Variants in RAD54L2 observed in about 807,000 individuals in gnomAD.
RAD54L2 encodes the protein RAD54 like 2, also known as helicase ARIP4.
Under a neutral mutation model 138.4 loss-of-function variants are expected in RAD54L2, and 27 were observed. The ratio of observed to expected loss-of-function variants is 0.20; its 90% CI spans 0.14 to 0.27. The LOEUF (loss-of-function observed/expected upper bound fraction) is 0.27, where lower values mean the gene tolerates loss of function less well. Ranked by LOEUF, RAD54L2 falls within the 10% of genes least tolerant of loss-of-function variation. The pLI is 1.00. For synonymous variants in RAD54L2, 644 were observed against 723.2 expected (o/e 0.89, Z 1.76); for missense variants, 1,396 against 1,890.2 (o/e 0.74, Z 4.85).
Position 51,594,860 on chromosome 3 carries a change from CTTTTTTTTTT to C in RAD54L2, c.139+4323_139+4332del, listed in dbSNP as rs71278623. ...ATAGGCAACATGGAATTGATGGGCG[CTTTTTTTTTT>C]TTTTTTTTTTTTTTTTTTTTTGACG... On this transcript the variant is annotated intron_variant, in intron 3 of 22. Coordinates refer to ENST00000684192, the MANE Select transcript of RAD54L2 (RefSeq NM_015106.4). Among the ~76,000 whole-genome samples the C allele has an allele frequency of 1.6e-3, 55 of 33,596 alleles. 1 individual carries two copies. In the East Asian group the frequency reaches 0.032, roughly 19 times the overall value. 22.0% of individuals were successfully genotyped at this position (33,596 alleles called of 152,430 possible). A position where few individuals can be genotyped will look rare whatever the true frequency, so the allele number is the denominator to read the frequency against.
chr3:51,552,244 T>C (rs1210974961), intron 2 of RAD54L2, among the ~76,000 whole-genome samples: 1 of 152,164 alleles, frequency 6.6e-6, no homozygotes, highest in Non-Finnish European at 1.5e-5. Context: ...CCTAGCTATC[T>C]AGCTATACTT....
chr3:51,622,231 T>C (rs1201107612), intron 3 of RAD54L2, among the ~76,000 whole-genome samples: 1 of 152,186 alleles, frequency 6.6e-6, no homozygotes, highest in Non-Finnish European at 1.5e-5. Context: ...AGTTCTCATG[T>C]CTGGCTGGGC....
chr3:51,626,001 A>T (rs1700669298), intron 3 of RAD54L2, among the ~76,000 whole-genome samples: 1 of 152,088 alleles, frequency 6.6e-6, no homozygotes, highest in Admixed American at 6.6e-5. Flanking sequence ...AGAAAAAAGG[A>T]TATTAATGGA....
chr3:51,618,694 G>T (rs1700501916), intron 3 of RAD54L2, among the ~76,000 whole-genome samples: 1 of 152,220 alleles, frequency 6.6e-6, no homozygotes, highest in Admixed American at 6.5e-5. Flanking sequence ...TGGACTTTGA[G>T]CTGACGCTGT....
chr3:51,583,435 T>A (rs79947662), intron 2 of RAD54L2, among the ~76,000 whole-genome samples: 10,408 of 151,716 alleles, frequency 0.069, 921 homozygotes, highest in East Asian at 0.33. Flanking sequence ...TTTTATTTTT[T>A]TTTTTTTGAG....
At chr3:51,573,796 G>T (rs1470186098) in intron 2 of RAD54L2, among the ~76,000 whole-genome samples, 1 of 152,134 alleles carries the variant, frequency 6.6e-6, no homozygotes, top group Non-Finnish European at 1.5e-5. Context: ...ACTAGGGAAA[G>T]AAATTTTTAT....
intron 2 of RAD54L2, among the ~76,000 whole-genome samples, chr3:51,574,248 A>G (rs1382481665): frequency 6.6e-6 from 1 of 152,122 alleles, no homozygotes; most frequent in Non-Finnish European, 1.5e-5. Flanking sequence ...CCTATCACTG[A>G]TGGACATTTG....
At chr3:51,661,181 C>G (rs187533421) in intron 22 of RAD54L2, among the ~76,000 whole-genome samples, 1 of 152,098 alleles carries the variant, frequency 6.6e-6, no homozygotes, top group Non-Finnish European at 1.5e-5. Flanking sequence ...AGGCTGGTCT[C>G]GAACTCCTGA....
At chr3:51,657,787 T>C in intron 21 of RAD54L2, 118 bp downstream of exon 21, 1 of 727,372 alleles carries the variant, frequency 1.4e-6, no homozygotes, top group East Asian at 2.8e-5. Context: ...CATTAGGATG[T>C]CACATTCCGG....
chr3:51,637,817 C>G lies in RAD54L2; in HGVS notation c.1682+314C>G, dbSNP rs1701023875. Among the ~76,000 whole-genome samples the G allele has an allele frequency of 6.6e-6, 1 of 152,138 alleles. No individual in the cohort carries two copies. Among genetic ancestry groups the G allele is most frequent in the South Asian group, 2.1e-4 (1 of 4,830 alleles). On this transcript the variant is annotated intron_variant, in intron 11 of 22. Coordinates refer to ENST00000684192, the MANE Select transcript of RAD54L2 (RefSeq NM_015106.4). The surrounding 1 kb of genome is among the most constrained non-coding windows in gnomAD (Gnocchi z 5.9). ...TACCTTAGGCTAGTCTAAAGCAGAC[C>G]CCTCATTTTTCCTTGTTGAGATGGC...
In RAD54L2 at chr3:51,637,216, A is replaced by G. The variant is rs1371737779; in HGVS notation, c.1395A>G (p.Gly465=). 6.3e-7 allele frequency: 1 copy of G among 1,595,000 alleles called. No homozygotes were observed. The highest frequency in any genetic ancestry group is 1.8e-5 in the Admixed American group (1 of 56,886). ...PGPDVVICDE[G]HRIKNCQAST... is the part of the protein sequence containing the mutation. Reference sequence around the variant, plus strand: ...CTGATGTAGTAATCTGTGATGAGGGACACCGCATCAAAAACTGCCAGGCCA... The same window carrying G: ...CTGATGTAGTAATCTGTGATGAGGGGCACCGCATCAAAAACTGCCAGGCCA... Residue 465 remains glycine, a synonymous_variant, in exon 11 of 23, where the codon GGA becomes GGG. Transcript: ENST00000684192. This position sits in a 1 kb window ranked among gnomAD's most constrained non-coding sequence, Gnocchi z 5.9.
At chr3:51,607,373 A>G (rs1196683653) in intron 3 of RAD54L2, among the ~76,000 whole-genome samples, 2 of 152,160 alleles carry the variant, frequency 1.3e-5, no homozygotes, top group Non-Finnish European at 2.9e-5. Flanking sequence ...CCCTTAATCC[A>G]TTTAACCCTT....
chr3:51,546,783 C>G (rs1698707486), intron 2 of RAD54L2, among the ~76,000 whole-genome samples: 1 of 152,028 alleles, frequency 6.6e-6, no homozygotes, highest in Non-Finnish European at 1.5e-5. Flanking sequence ...AATCCCAGCA[C>G]TTTGGGAGGC....
chr3:51,565,132 C>T (rs1215733637), intron 2 of RAD54L2, among the ~76,000 whole-genome samples: 3 of 152,148 alleles, frequency 2.0e-5, no homozygotes, highest in African/African-American at 7.2e-5. Context: ...ATGTCAGGAA[C>T]ATACCATATA....
intron 9 of RAD54L2, 146 bp downstream of exon 9, chr3:51,634,181 A>C: frequency 3.6e-6 from 4 of 1,122,846 alleles, no homozygotes; most frequent in Non-Finnish European, 4.9e-6. Flanking sequence ...TGTTCTTGCT[A>C]CTCATTTTTT....
intron 3 of RAD54L2, among the ~76,000 whole-genome samples, chr3:51,607,254 G>GCCTTC (rs1192004758): frequency 6.6e-6 from 1 of 151,434 alleles, no homozygotes; most frequent in South Asian, 2.1e-4. Context: ...GGGCCCTGCC[G>GCCTTC]CCTTCCGCAG....
intron 19 of RAD54L2, among the ~76,000 whole-genome samples, chr3:51,648,754 AACATCAACAGAAAGG>A (rs1701351831): frequency 6.6e-6 from 1 of 152,224 alleles, no homozygotes; most frequent in African/African-American, 2.4e-5. Context: ...GAATAGCATC[AACATCAACAGAAAGG>A]ACATCAACAC....
chr3:51,558,147 A>AT (rs1275558553), intron 2 of RAD54L2, among the ~76,000 whole-genome samples: 1 of 151,898 alleles, frequency 6.6e-6, no homozygotes, highest in African/African-American at 2.4e-5. Flanking sequence ...CCCCTGGCCG[A>AT]TTTGTTTATG....
At chr3:51,565,226 G>GA (rs1215792353) in intron 2 of RAD54L2, among the ~76,000 whole-genome samples, 1 of 152,098 alleles carries the variant, frequency 6.6e-6, no homozygotes, top group Non-Finnish European at 1.5e-5. Context: ...TACAAAAAGT[G>GA]AAAAAAAGTT....
Sources: gnomAD v4.1 joint callset for allele counts (sites outside exome capture counted in the v4.1 genomes callset) on GRCh38, gnomAD v4.1.1 for gene constraint, Gnocchi (gnomAD v3.1) non-coding constraint, MANE v1.5 for transcripts, NCBI Gene and HGNC (gene_info 2026-07-23, HGNC 2026-07-21) for gene names.